Variants in CNTN5 observed in about 807,000 individuals in gnomAD.
CNTN5 encodes the protein contactin-5.
Under a neutral mutation model 129.1 loss-of-function variants are expected in CNTN5, and 77 were observed. The ratio of observed to expected loss-of-function variants is 0.60; its 90% CI spans 0.50 to 0.72. CNTN5 has a LOEUF of 0.72. CNTN5 is among the 30% of genes least tolerant of loss of function. The pLI is 0.00. For missense variants in CNTN5, 1,478 were observed against 1,328.8 expected (o/e 1.11, Z -1.75); for synonymous variants, 509 against 465.6 (o/e 1.09, Z -1.20).
intron 1 of CNTN5, among the ~76,000 whole-genome samples, chr11:99,096,117 A>G (rs1470056000): frequency 6.6e-6 from 1 of 151,932 alleles, no homozygotes. Context: ...TTTGAAAAAT[A>G]TCTACTAGTT....
At chr11:99,595,217 C>G (rs1157586618) in intron 3 of CNTN5, among the ~76,000 whole-genome samples, 1 of 152,018 alleles carries the variant, frequency 6.6e-6, no homozygotes, top group East Asian at 1.9e-4. Context: ...TTAAATGTTG[C>G]CACTACAAAA....
intron 2 of CNTN5, among the ~76,000 whole-genome samples, chr11:99,343,472 A>G (rs1866612657): frequency 6.6e-6 from 1 of 152,222 alleles, no homozygotes; most frequent in African/African-American, 2.4e-5. Context: ...ATCCAAGGTC[A>G]CTTCTGACAC....
intron 1 of CNTN5, among the ~76,000 whole-genome samples, chr11:99,118,942 T>C: frequency 6.6e-6 from 1 of 152,050 alleles, no homozygotes; most frequent in Middle Eastern, 3.4e-3. Context: ...TTATGTTAGA[T>C]AATATTTTAA....
intron 6 of CNTN5, among the ~76,000 whole-genome samples, chr11:99,900,592 T>C (rs1949330602): frequency 6.6e-6 from 1 of 152,158 alleles, no homozygotes; most frequent in African/African-American, 2.4e-5. Context: ...AACATGATCT[T>C]TTTTGTTTTC....
At chr11:99,229,367 C>T (rs896838659) in intron 1 of CNTN5, among the ~76,000 whole-genome samples, 2 of 151,844 alleles carry the variant, frequency 1.3e-5, no homozygotes, top group Non-Finnish European at 2.9e-5. Flanking sequence ...CTAAGCTATA[C>T]AGGTGTTTTG....
At chr11:99,177,084 C>A (rs1857812529) in intron 1 of CNTN5, among the ~76,000 whole-genome samples, 1 of 152,154 alleles carries the variant, frequency 6.6e-6, no homozygotes, top group Admixed American at 6.5e-5. Context: ...TTGCAACTCC[C>A]AGTCCCACTG....
At chr11:99,077,834 T>C (rs936262237) in intron 1 of CNTN5, among the ~76,000 whole-genome samples, 3 of 152,112 alleles carry the variant, frequency 2.0e-5, no homozygotes, top group Admixed American at 6.6e-5. Flanking sequence ...GTGCCTTGCC[T>C]CCCCTTTCCC....
intron 2 of CNTN5, among the ~76,000 whole-genome samples, chr11:99,436,179 G>T (rs1943592709): frequency 6.6e-6 from 1 of 152,144 alleles, no homozygotes; most frequent in African/African-American, 2.4e-5. Flanking sequence ...AGTGGTGGCA[G>T]TGATGTCAAT....
At chr11:100,003,844 G>A (rs1940030336) in intron 9 of CNTN5, 1 of 152,158 alleles carries the variant, frequency 6.6e-6, no homozygotes, top group Non-Finnish European at 1.5e-5. Context: ...CTTCACTCAA[G>A]AAGGTCTCTG....
At position 99,731,170 on chromosome 11, in the gene CNTN5, G is replaced by A. The variant is rs559829555; in HGVS notation, c.56-88374G>A. Among the ~76,000 whole-genome samples the A allele has an allele frequency of 2.5e-3, 374 of 151,514 alleles. 2 individuals are homozygous for A. The highest frequency in any genetic ancestry group is 7.7e-3 in the African/African-American group (319 of 41,226). On this transcript the variant is annotated intron_variant, in intron 3 of 24. Coordinates refer to ENST00000524871, the MANE Select transcript of CNTN5 (RefSeq NM_014361.4). ...GTCGCCCAGGCTGGAGTGCAGTGGC[G>A]CGATCTCGGCTCACTGCAAGCTCCG...
chr11:99,455,843 C>T (rs565974141), intron 2 of CNTN5, among the ~76,000 whole-genome samples: 32 of 152,016 alleles, frequency 2.1e-4, no homozygotes, highest in African/African-American at 4.6e-4. Context: ...GTCATTTAGG[C>T]GTAATATTGC....
intron 2 of CNTN5, among the ~76,000 whole-genome samples, chr11:99,454,285 C>G (rs1157835489): frequency 6.6e-6 from 1 of 152,144 alleles, no homozygotes; most frequent in African/African-American, 2.4e-5. Context: ...TATAGTTGGG[C>G]TTTGTGTTCC....
chr11:99,260,386 G>GA (rs1862572980), intron 1 of CNTN5, among the ~76,000 whole-genome samples: 1 of 151,450 alleles, frequency 6.6e-6, no homozygotes, highest in Non-Finnish European at 1.5e-5. Flanking sequence ...CTTTCTTTAA[G>GA]AAAAAATGGA....
chr11:99,545,713 G>A (rs922388062), intron 2 of CNTN5, among the ~76,000 whole-genome samples: 3 of 152,244 alleles, frequency 2.0e-5, no homozygotes, highest in Admixed American at 2.0e-4. Context: ...CAAATTATAT[G>A]TTGAAAACTA....
intron 6 of CNTN5, among the ~76,000 whole-genome samples, chr11:99,911,426 A>G (rs1337540158): frequency 6.6e-6 from 1 of 152,024 alleles, no homozygotes; most frequent in Non-Finnish European, 1.5e-5. Flanking sequence ...AGACTGGGAA[A>G]CATAAGTCCA....
intron 2 of CNTN5, among the ~76,000 whole-genome samples, chr11:99,474,315 T>A (rs1211959291): frequency 2.0e-5 from 3 of 152,074 alleles, no homozygotes; most frequent in Non-Finnish European, 4.4e-5. Context: ...ATCAAAAAAA[T>A]ACCCATCCTC....
intron 13 of CNTN5, among the ~76,000 whole-genome samples, chr11:100,186,499 A>G (rs1318971659): frequency 6.6e-6 from 1 of 152,194 alleles, no homozygotes; most frequent in Non-Finnish European, 1.5e-5. Flanking sequence ...GTGATGTCCT[A>G]CATGAACTGG....
chr11:99,658,888 C>CAG (rs1952487820), intron 3 of CNTN5, among the ~76,000 whole-genome samples: 1 of 119,226 alleles, frequency 8.4e-6, no homozygotes, highest in Admixed American at 9.3e-5. Flanking sequence ...AACTCTGTCT[C>CAG]AAAAAAAAAA....
At chr11:99,566,716 A>C (rs1453624884) in intron 3 of CNTN5, among the ~76,000 whole-genome samples, 1 of 152,198 alleles carries the variant, frequency 6.6e-6, no homozygotes, top group Admixed American at 6.5e-5. Context: ...ATTTTAATAG[A>C]ACAGCCTAAT....
Sources: allele counts gnomAD v4.1 joint callset (sites outside exome capture counted in the v4.1 genomes callset), GRCh38; gene constraint gnomAD v4.1.1; transcripts MANE v1.5; gene names NCBI Gene and HGNC (gene_info 2026-07-23, HGNC 2026-07-21).